Variants in DIS3L observed in about 807,000 individuals in gnomAD.
DIS3L encodes the protein DIS3-like exonuclease 1.
Under a neutral mutation model 120.3 loss-of-function variants are expected in DIS3L, and 100 were observed. That is an observed-to-expected ratio of 0.83 (90% CI 0.71 to 0.98). The LOEUF is 0.98. Ranked by LOEUF, DIS3L falls within the 50% of genes least tolerant of loss-of-function variation. The pLI, the probability that DIS3L is intolerant of heterozygous loss-of-function variation, is 0.00. For missense variants in DIS3L, 1,196 were observed against 1,314.2 expected, an observed-to-expected ratio of 0.91 and a Z score of 1.39; for synonymous variants, 426 against 470.6, an observed-to-expected ratio of 0.91 and a Z score of 1.23.
chr15:66,302,296 G>A (rs1057263111), intron 2 of DIS3L, among the ~76,000 whole-genome samples: 3 of 152,102 alleles, frequency 2.0e-5, no homozygotes, highest in Non-Finnish European at 2.9e-5. Context: ...GAGCCTGAGA[G>A]TTTGAGGCTG....
In DIS3L at chr15:66,332,716, A is replaced by C. The variant is rs770301442; in HGVS notation, c.2682-20A>C. On this transcript the variant is annotated intron_variant, in intron 15 of 16. Coordinates refer to ENST00000319212, the MANE Select transcript of DIS3L (RefSeq NM_001143688.3). ...CTAAGAATACATTGTCTCTGGATTT[A>C]TATTCTGGTCATAATATAGGTTTGG... is the stretch of plus-strand genomic sequence containing the variant. The C allele has an allele frequency of 3.2e-6, 5 of 1,586,596 alleles. No individual in the cohort carries two copies. The highest frequency in any genetic ancestry group is 4.3e-6 in the Non-Finnish European group (5 of 1,164,324).
chr15:66,308,859 T>C lies in DIS3L; in HGVS notation c.558+15T>C. ...TTACTTTCAAGGTATTTCCAGATAT[T>C]GTATATGTATGAGTGCTCATTTTCT... On this transcript the variant is annotated intron_variant, in intron 4 of 16. Transcript: ENST00000319212. 6.2e-7 allele frequency: 1 copy of C among 1,610,290 alleles called. No homozygotes were observed. The highest frequency in any genetic ancestry group is 8.5e-7 in the Non-Finnish European group (1 of 1,177,840).
At position 66,311,786 on chromosome 15, in the gene DIS3L, T is replaced by G; in HGVS notation, c.621T>G (p.Leu207=). The change falls in exon 5 of 17, where the codon CTT becomes CTG. Residue 207 remains leucine (L), a synonymous_variant. Transcript: ENST00000319212. ...KAAHELCDSI[L]QSRRERENES... ...CCCACGAGCTTTGTGATTCTATCCTTCAGTCTCGACGGGAGAGAGAGAATG... is the reference window on the plus strand; with the variant it reads ...CCCACGAGCTTTGTGATTCTATCCTGCAGTCTCGACGGGAGAGAGAGAATG... 1 of 1,614,148 alleles carries G rather than the reference T, an allele frequency of 6.2e-7. No homozygotes were observed. The highest frequency in any genetic ancestry group is 8.5e-7 in the Non-Finnish European group (1 of 1,180,020).
chr15:66,328,133 A>C (rs1197740878), intron 12 of DIS3L, among the ~76,000 whole-genome samples: 10 of 152,204 alleles, frequency 6.6e-5, no homozygotes, highest in Non-Finnish European at 1.3e-4. Context: ...AGCATCATTC[A>C]TATTTACAGA....
intron 3 of DIS3L, 148 bp from the exon 4 acceptor site, chr15:66,308,561 T>C: frequency 2.8e-6 from 3 of 1,070,232 alleles, no homozygotes; most frequent in Non-Finnish European, 2.5e-6. Context: ...CCAGGGCTTC[T>C]TTATAATGGA....
chr15:66,315,141 G>GAACC lies in DIS3L; in HGVS notation c.921_924dup (p.Val309AsnfsTer6), dbSNP rs2092803936. ...CTTCCTAAAAATGAATGGAAAGGAA[G>GAACC]AACCGTAGCCCTGTGTGAGAATGAC... On this transcript the variant is annotated frameshift_variant, in exon 7 of 17. Coordinates refer to ENST00000319212, the MANE Select transcript of DIS3L (RefSeq NM_001143688.3). LOFTEE classifies it high-confidence loss of function. 3.1e-6 allele frequency: 5 copies of GAACC among 1,613,982 alleles called. No homozygotes were observed. The highest frequency in any genetic ancestry group is 1.7e-5 in the Admixed American group (1 of 59,986).
chr15:66,314,623 C>T (rs539685759), intron 6 of DIS3L, among the ~76,000 whole-genome samples: 1 of 152,352 alleles, frequency 6.6e-6, no homozygotes, highest in South Asian at 2.1e-4. Context: ...TCTTCGGGCC[C>T]TTGCTCGTCA....
chr15:66,312,964 C>CT (rs1352723694), intron 5 of DIS3L, among the ~76,000 whole-genome samples: 1 of 151,580 alleles, frequency 6.6e-6, no homozygotes, highest in African/African-American at 2.4e-5. Context: ...CCTGGGAGGA[C>CT]TTTTTTTAAT....
intron 14 of DIS3L, chr15:66,330,521 A>ATAGT: frequency 1.0e-6 from 1 of 985,400 alleles, no homozygotes; most frequent in Non-Finnish European, 1.2e-6. Context: ...ATCCAATGGT[A>ATAGT]TAGTTGTCTG....
At chr15:66,319,565 T>G (rs138739575) in intron 8 of DIS3L, among the ~76,000 whole-genome samples, 36 of 152,320 alleles carry the variant, frequency 2.4e-4, no homozygotes, top group African/African-American at 8.4e-4. Context: ...AAATTAACCT[T>G]TACTTGTGTC....
chr15:66,293,697 ACAGCCCGCT>A lies in DIS3L; in HGVS notation c.103_111del (p.Ser35_Leu37del). ...TACCTGCGGCCCTGCGTGCCCTGCCACAGCCCGCTCTGCCCGCAGCCCGCCGCCTGCAGC... is the reference window on the plus strand; with the variant it reads ...TACCTGCGGCCCTGCGTGCCCTGCCACTGCCCGCAGCCCGCCGCCTGCAGC... On this transcript the variant is annotated inframe_deletion, in exon 1 of 17. Transcript: ENST00000319212. 1 of 1,380,242 alleles carries A rather than the reference ACAGCCCGCT, an allele frequency of 7.2e-7. No homozygotes were observed. The highest frequency in any genetic ancestry group is 9.4e-7 in the Non-Finnish European group (1 of 1,060,440). 85.5% of individuals were successfully genotyped at this position (1,380,242 alleles called of 1,614,324 possible). A position where few individuals can be genotyped will look rare whatever the true frequency, so the allele number is the denominator to read the frequency against.
chr15:66,333,159 G>A lies in DIS3L; in HGVS notation c.3012G>A (p.Val1004=), dbSNP rs1393900401. The A allele has an allele frequency of 1.2e-6, 2 of 1,613,846 alleles. No individual in the cohort carries two copies. Among genetic ancestry groups the A allele is most frequent in the Admixed American group, 1.7e-5 (1 of 59,984 alleles). Residue 1004 remains valine (V), a synonymous_variant, in exon 17 of 17, where the codon GTG becomes GTA. Transcript: ENST00000319212. ...SELVKEVTKS[V]EEAQLAQEVK... The stretch of plus-strand genomic sequence containing the variant: ...TAGTGAAAGAAGTAACTAAATCTGT[G>A]GAAGAAGCTCAGCTTGCCCAAGAAG...
intron 15 of DIS3L, among the ~76,000 whole-genome samples, chr15:66,332,223 A>T (rs919370211): frequency 6.6e-6 from 1 of 152,178 alleles, no homozygotes; most frequent in South Asian, 2.1e-4. Flanking sequence ...TTGGGAGGCC[A>T]AGGTGGGCGG....
intron 2 of DIS3L, among the ~76,000 whole-genome samples, chr15:66,300,740 G>A (rs1472117168): frequency 6.6e-6 from 1 of 152,168 alleles, no homozygotes; most frequent in Admixed American, 6.6e-5. Context: ...ATGGAGAGAG[G>A]GAACACTAGA....
chr15:66,309,782 A>T (rs190944117), intron 4 of DIS3L, among the ~76,000 whole-genome samples: 1 of 152,336 alleles, frequency 6.6e-6, no homozygotes, highest in East Asian at 1.9e-4. Flanking sequence ...CTTAAAGGCC[A>T]GTCTTTTTTT....
chr15:66,315,814 C>T (rs952482582), intron 7 of DIS3L, among the ~76,000 whole-genome samples: 4 of 152,198 alleles, frequency 2.6e-5, no homozygotes, highest in African/African-American at 9.7e-5. Context: ...AGCCCTACTC[C>T]TCTAAAATTG....
chr15:66,294,676 A>G (rs928818107), intron 1 of DIS3L, among the ~76,000 whole-genome samples: 5 of 152,208 alleles, frequency 3.3e-5, no homozygotes, highest in Non-Finnish European at 1.5e-5. Flanking sequence ...GTGTTTGTCA[A>G]TGATGAGTTA....
rs767359993 is a variant in DIS3L at position 66,322,711 on chromosome 15, C to A, written c.1351C>A (p.Pro451Thr). The stretch of plus-strand genomic sequence containing the variant: ...GATGTGTGAGATGCCAGTAAACACA[C>A]CAGAAAGTCCCTGGAAGGTGAGTCC... ...AQMCEMPVNTPESPWKVSPEE... is the reference protein window; with the variant it reads ...AQMCEMPVNTTESPWKVSPEE... The change falls in exon 10 of 17, where the codon CCA becomes ACA. Residue 451 changes from proline to threonine, a missense_variant. Coordinates refer to ENST00000319212, the MANE Select transcript of DIS3L (RefSeq NM_001143688.3). 6.2e-7 allele frequency: 1 copy of A among 1,614,052 alleles called. No individual in the cohort carries two copies. Among genetic ancestry groups the A allele is most frequent in the East Asian group, 2.2e-5 (1 of 44,874 alleles).
Position 66,326,268 on chromosome 15 carries a change from A to C in DIS3L, c.2105A>C (p.His702Pro), listed in dbSNP as rs1261027297. 1.2e-6 allele frequency: 2 copies of C among 1,614,100 alleles called. No homozygotes were observed. The highest frequency in any genetic ancestry group is 3.3e-5 in the Admixed American group (2 of 60,008). Residue 702 changes from histidine to proline, a missense_variant, in exon 12 of 17, where the codon CAT (histidine) becomes CCT (proline). Transcript: ENST00000319212. The part of the protein sequence containing the change: ...VAKKIWESFP[H>P]QALLRQHPPP... ...AAAAAGATCTGGGAGAGCTTCCCTC[A>C]TCAGGCCTTGCTGCGCCAGCACCCT...
Sources: allele counts gnomAD v4.1 joint callset (sites outside exome capture counted in the v4.1 genomes callset), GRCh38; gene constraint gnomAD v4.1.1; transcripts MANE v1.5; gene names NCBI Gene and HGNC (gene_info 2026-07-23, HGNC 2026-07-21).